STAMBPL1: variants seen among roughly 807,000 people sequenced by gnomAD.
The protein encoded by STAMBPL1 is AMSH-like protease.
In STAMBPL1, 44 loss-of-function variants were observed where a neutral mutation model predicts 52.9. That is an observed-to-expected ratio of 0.83 (90% CI 0.65 to 1.07). The LOEUF is 1.07. STAMBPL1 is among the 50% of genes least tolerant of loss of function. The pLI is 0.00. For missense variants in STAMBPL1, 511 were observed against 520.8 expected (o/e 0.98, Z 0.18); for synonymous variants, 164 against 177.3 (o/e 0.92, Z 0.60).
chr10:88,899,016 A>G (rs1844879529), intron 1 of STAMBPL1, among the ~76,000 whole-genome samples: 1 of 152,218 alleles, frequency 6.6e-6, no homozygotes, highest in Non-Finnish European at 1.5e-5. Flanking sequence ...TGGTGTTGGT[A>G]GTAGAAGCTG....
chr10:88,922,539 G>T (rs942707510), intron 10 of STAMBPL1, 103 bp downstream of exon 10: 5 of 990,938 alleles, frequency 5.0e-6, no homozygotes, highest in Non-Finnish European at 7.5e-6. Context: ...ATAAAATACT[G>T]TACTGCTTAG....
At chr10:88,888,290 G>A (rs1030978556) in intron 1 of STAMBPL1, among the ~76,000 whole-genome samples, 1 of 152,194 alleles carries the variant, frequency 6.6e-6, no homozygotes, top group Non-Finnish European at 1.5e-5. Context: ...TCTTCTGGCA[G>A]GCGCTGAGTT....
chr10:88,902,606 G>A (rs942618345), intron 2 of STAMBPL1, among the ~76,000 whole-genome samples: 5 of 151,698 alleles, frequency 3.3e-5, no homozygotes, highest in Admixed American at 1.3e-4. Context: ...GTCTCGCTCT[G>A]TCACTCAGGC....
In STAMBPL1 at chr10:88,905,435, C is replaced by G; in HGVS notation, c.31-8C>G. ...CAGTTAATCAGAGATTTAAATTTTG[C>G]TTTGCAGAAAAAGTTAGCTGCTATG... On this transcript the variant is annotated splice_region_variant and splice_polypyrimidine_tract_variant and intron_variant, in intron 2 of 10. Transcript: ENST00000371926. 6.2e-7 allele frequency: 1 copy of G among 1,612,448 alleles called. No homozygotes were observed. The highest frequency in any genetic ancestry group is 8.5e-7 in the Non-Finnish European group (1 of 1,178,660).
intron 1 of STAMBPL1, among the ~76,000 whole-genome samples, chr10:88,890,518 A>C (rs1431864825): frequency 1.3e-5 from 2 of 152,206 alleles, no homozygotes; most frequent in African/African-American, 4.8e-5. Context: ...GGTGAATCTG[A>C]ATCTGCACAT....
chr10:88,917,269 G>GT (rs773564454), intron 8 of STAMBPL1, among the ~76,000 whole-genome samples: 1 of 152,094 alleles, frequency 6.6e-6, no homozygotes, highest in Non-Finnish European at 1.5e-5. Flanking sequence ...ATCTGAAAGT[G>GT]TTTCTTTTAA....
rs1845055804 is a variant in STAMBPL1, at chr10:88,905,676, G to T, written c.248+16G>T. ...AATTTATAACGTAAGTGTTTTAAAG[G>T]CCTCTGAAGTGAGAAAATTGGAAAA... On this transcript the variant is annotated intron_variant, in intron 3 of 10. Transcript: ENST00000371926. 2.5e-6 allele frequency: 4 copies of T among 1,585,678 alleles called. No homozygotes were observed. The highest frequency in any genetic ancestry group is 3.4e-6 in the Non-Finnish European group (4 of 1,161,130).
chr10:88,892,843 T>C (rs1367829902), intron 1 of STAMBPL1, among the ~76,000 whole-genome samples: 1 of 152,220 alleles, frequency 6.6e-6, no homozygotes, highest in African/African-American at 2.4e-5. Flanking sequence ...AAGAAAGTTA[T>C]GAAAATTAAA....
chr10:88,923,118 A>G, intron 10 of STAMBPL1, 50 bp from the exon 11 acceptor site: 1 of 1,321,534 alleles, frequency 7.6e-7, no homozygotes, highest in South Asian at 1.3e-5. Flanking sequence ...CATATGGTAA[A>G]CATTATGGTG....
At chr10:88,890,238 A>G (rs1844644143) in intron 1 of STAMBPL1, among the ~76,000 whole-genome samples, 1 of 152,226 alleles carries the variant, frequency 6.6e-6, no homozygotes, top group Admixed American at 6.5e-5. Flanking sequence ...GCTTTGTGGG[A>G]CTTATTAAGG....
intron 1 of STAMBPL1, among the ~76,000 whole-genome samples, chr10:88,881,357 A>C (rs1844401446): frequency 6.6e-6 from 1 of 152,162 alleles, no homozygotes; most frequent in Non-Finnish European, 1.5e-5. Context: ...TAAGTAATTC[A>C]GGAAACGGAA....
chr10:88,891,050 C>T (rs1844668798), intron 1 of STAMBPL1, among the ~76,000 whole-genome samples: 1 of 152,130 alleles, frequency 6.6e-6, no homozygotes, highest in Non-Finnish European at 1.5e-5. Context: ...GAACTGGAGT[C>T]AATTCCGAGT....
At chr10:88,904,654 C>G (rs1028562808) in intron 2 of STAMBPL1, among the ~76,000 whole-genome samples, 1 of 87,034 alleles carries the variant, frequency 1.1e-5, no homozygotes, top group East Asian at 4.5e-4. Flanking sequence ...TTCTGAAGCA[C>G]CGACTTTTTA....
At chr10:88,892,025 A>G (rs1844696811) in intron 1 of STAMBPL1, among the ~76,000 whole-genome samples, 1 of 143,410 alleles carries the variant, frequency 7.0e-6, no homozygotes, top group Admixed American at 6.7e-5. Flanking sequence ...GAAGCCATGA[A>G]AAAAAAAGGT....
chr10:88,907,659 C>T lies in STAMBPL1; in HGVS notation c.249-1043C>T, dbSNP rs143266462. On this transcript the variant is annotated intron_variant, in intron 3 of 10. Transcript: ENST00000371926. ...ACTTATTCTTCCTGGGCCTTAGTTC[C>T]TCATCTACAAATGAAAGATTTATGG... Among the ~76,000 whole-genome samples the T allele has an allele frequency of 9.5e-4, 144 of 152,278 alleles. 1 individual carries two copies. The highest frequency in any genetic ancestry group is 3.1e-3 in the African/African-American group (128 of 41,562).
At chr10:88,885,770 G>A (rs1432395889) in intron 1 of STAMBPL1, among the ~76,000 whole-genome samples, 3 of 152,190 alleles carry the variant, frequency 2.0e-5, no homozygotes, top group Non-Finnish European at 4.4e-5. Flanking sequence ...ATTATAAGAA[G>A]ACAGATTTTA....
Position 88,880,480 on chromosome 10 carries a change from G to C in STAMBPL1, c.-212G>C, listed in dbSNP as rs1214945426. The C allele has an allele frequency of 2.6e-5, 4 of 152,266 alleles. No individual in the cohort carries two copies. The highest frequency in any genetic ancestry group is 4.4e-5 in the Non-Finnish European group (3 of 68,062). 9.4% of individuals were successfully genotyped at this position (152,266 alleles called of 1,614,324 possible). ...GCCGAGGCAAACGAGCGGACGCCTC[G>C]TCGCCGGGTGCCGGTATCACCCCGC... On this transcript the variant is annotated 5_prime_UTR_variant, in exon 1 of 11. Transcript: ENST00000371926.
chr10:88,890,955 T>TAATA (rs1844666009), intron 1 of STAMBPL1, among the ~76,000 whole-genome samples: 1 of 152,240 alleles, frequency 6.6e-6, no homozygotes, highest in Non-Finnish European at 1.5e-5. Context: ...TATGTGTGTT[T>TAATA]AATAAATATG....
chr10:88,905,736 G>GT lies in STAMBPL1; in HGVS notation c.248+77dup, dbSNP rs1845057258. ...TAGTTATTTTGATGTGGCAGTTTGG[G>GT]TATCAGTAATGTTTTCATATTCAGA... On this transcript the variant is annotated intron_variant, in intron 3 of 10. Transcript: ENST00000371926. 7 of 1,191,874 alleles carry GT rather than the reference G, an allele frequency of 5.9e-6. No homozygotes were observed. The Admixed American group carries it at 1.2e-4, about 21-fold the overall frequency. The allele number at this position is 1,191,874 out of a possible 1,614,324, so 73.8% of individuals were successfully genotyped here. A position where few individuals can be genotyped will look rare whatever the true frequency, so the allele number is the denominator to read the frequency against.
Sources: gnomAD v4.1 joint callset for allele counts (sites outside exome capture counted in the v4.1 genomes callset) on GRCh38, gnomAD v4.1.1 for gene constraint, MANE v1.5 for transcripts, NCBI Gene and HGNC (gene_info 2026-07-23, HGNC 2026-07-21) for gene names.